Variants in TMEM204 observed in about 807,000 individuals in gnomAD.
TMEM204 encodes the protein transmembrane protein 204.
Under a neutral mutation model 19.4 loss-of-function variants are expected in TMEM204, and 15 were observed. That is an observed-to-expected ratio of 0.77 (90% CI 0.52 to 1.19). The LOEUF is 1.19. Among genes scored for constraint, TMEM204 ranks in the 50% most tolerant of loss-of-function variants. TMEM204 has a pLI of 0.00. For synonymous variants in TMEM204, 161 were observed against 146.0 expected, an observed-to-expected ratio of 1.10 and a Z score of -0.74; for missense variants, 287 against 321.2, an observed-to-expected ratio of 0.89 and a Z score of 0.81.
upstream of TMEM204, among the ~76,000 whole-genome samples, chr16:1,529,847 C>T (rs534001672): frequency 2.0e-5 from 3 of 152,322 alleles, no homozygotes; most frequent in Admixed American, 2.0e-4. Flanking sequence ...CAGAACGCTG[C>T]TGGGCCTCAT....
intron 2 of TMEM204, among the ~76,000 whole-genome samples, chr16:1,550,331 C>T (rs753385617): frequency 3.3e-5 from 5 of 152,208 alleles, no homozygotes; most frequent in Non-Finnish European, 5.9e-5. Context: ...CACAGCCAAC[C>T]ATGCACAGGG....
upstream of TMEM204, chr16:1,531,860 G>T (rs2030533040): frequency 6.6e-6 from 1 of 152,272 alleles, no homozygotes; most frequent in East Asian, 1.9e-4. The surrounding 1 kb of genome is among the most constrained non-coding windows in gnomAD (Gnocchi z 4.7). Flanking sequence ...TCAACCTGAG[G>T]AAAGGACCAG....
Position 1,534,565 on chromosome 16 carries a change from A to G in TMEM204, c.280+10A>G, listed in dbSNP as rs375107209. 1.3e-5 allele frequency: 21 copies of G among 1,600,486 alleles called. No individual in the cohort carries two copies. The East Asian group carries it at 1.6e-4, about 12-fold the overall frequency. The stretch of plus-strand genomic sequence containing the variant: ...CGAGGCACCGTCAAACGTAAGTCCA[A>G]TTGTTTTCCTGATGCCTTCAGCGTG... On this transcript the variant is annotated intron_variant, in intron 1 of 2. Transcript: ENST00000566264.
At chr16:1,548,047 T>C (rs1426094246) in intron 2 of TMEM204, among the ~76,000 whole-genome samples, 2 of 152,192 alleles carry the variant, frequency 1.3e-5, no homozygotes, top group African/African-American at 4.8e-5. Flanking sequence ...CTTCGTCTCT[T>C]CTTTCCCTTC....
rs2031625190 is a variant in TMEM204, at chr16:1,541,441, CT to C, written c.281-479del. ...CATGAGCCGCTTGGGGGTCGGGCAG[CT>C]GAGCACGCAGGACAGCACGCCTGAG... On this transcript the variant is annotated intron_variant, in intron 1 of 2. Coordinates refer to ENST00000566264, the MANE Select transcript of TMEM204 (RefSeq NM_024600.6). The C allele has an allele frequency of 3.0e-6, 3 of 985,322 alleles. No homozygotes were observed. In the African/African-American group the frequency reaches 5.2e-5, roughly 17 times the overall value. The allele number at this position is 985,322 out of a possible 1,614,324, so 61.0% of individuals were successfully genotyped here.
intron 1 of TMEM204, among the ~76,000 whole-genome samples, chr16:1,539,791 C>T (rs1472581527): frequency 1.3e-5 from 2 of 152,210 alleles, no homozygotes; most frequent in East Asian, 1.9e-4. Flanking sequence ...CAGCGTGCTC[C>T]GCTCTCCCCC....
intron 2 of TMEM204, among the ~76,000 whole-genome samples, chr16:1,543,673 G>C (rs1238530380): frequency 6.6e-6 from 1 of 152,198 alleles, no homozygotes; most frequent in Non-Finnish European, 1.5e-5. Flanking sequence ...AGGGATGTGG[G>C]ACCTAGGACT....
chr16:1,538,007 G>T (rs1471997864), intron 1 of TMEM204, among the ~76,000 whole-genome samples: 1 of 152,230 alleles, frequency 6.6e-6, no homozygotes, highest in Non-Finnish European at 1.5e-5. Context: ...AAAGTCAGCT[G>T]CTACCACGCA....
rs764604769 is a variant in TMEM204 at position 1,534,428 on chromosome 16, G to C, written c.153G>C (p.Leu51=). Residue 51 remains leucine, a synonymous_variant, in exon 1 of 3, where the codon CTG becomes CTC. Transcript: ENST00000566264. The part of the protein sequence containing the change: ...RSVGLWRSCW[L]VDRTRGGPSP... ...TGGGGCTGTGGAGGTCCTGCTGGCT[G>C]GTGGACAGGACCCGGGGAGGGCCGA... is the stretch of plus-strand genomic sequence containing the variant. 1 of 1,612,206 alleles carries C rather than the reference G, an allele frequency of 6.2e-7. No individual in the cohort carries two copies. Among genetic ancestry groups the C allele is most frequent in the African/African-American group, 1.3e-5 (1 of 74,936 alleles).
chr16:1,534,245 C>A lies in TMEM204; in HGVS notation c.-31C>A, dbSNP rs376578766. ...CGGCCGCGGACTGGGACTTGGCTTT[C>A]TCCGGATAAGCGGCGGCACCGGCGT... On this transcript the variant is annotated 5_prime_UTR_variant, in exon 1 of 3. Coordinates refer to ENST00000566264, the MANE Select transcript of TMEM204 (RefSeq NM_024600.6). 1 of 1,605,952 alleles carries A rather than the reference C, an allele frequency of 6.2e-7. No individual in the cohort carries two copies.
chr16:1,530,346 T>C (rs1400722786), upstream of TMEM204, among the ~76,000 whole-genome samples: 1 of 152,014 alleles, frequency 6.6e-6, no homozygotes, highest in Admixed American at 6.6e-5. Context: ...TTGGCCAGGA[T>C]GGTCTCGATC....
intron 2 of TMEM204, among the ~76,000 whole-genome samples, chr16:1,548,026 A>AG (rs1296496518): frequency 6.6e-6 from 1 of 152,134 alleles, no homozygotes; most frequent in Non-Finnish European, 1.5e-5. Context: ...CCCAGGCATC[A>AG]GTTTATGTCC....
upstream of TMEM204, among the ~76,000 whole-genome samples, chr16:1,530,133 C>CTTTTTTTTTTTTTTTGTTTTTTTT (rs2030300360): frequency 1.1e-5 from 1 of 88,598 alleles, no homozygotes; most frequent in Non-Finnish European, 2.0e-5. Context: ...CGACGGGAAT[C>CTTTTTTTTTTTTTTTGTTTTTTTT]TTTTTTTTTT....
At chr16:1,530,131 A>ATTTTTTTTTTTTT (rs2030295926), upstream of TMEM204, among the ~76,000 whole-genome samples, 4 of 126,534 alleles carry the variant, frequency 3.2e-5, no homozygotes, top group African/African-American at 1.5e-4. Flanking sequence ...CACGACGGGA[A>ATTTTTTTTTTTTT]TCTTTTTTTT....
chr16:1,544,327 G>A (rs941984859), intron 2 of TMEM204, among the ~76,000 whole-genome samples: 1 of 152,022 alleles, frequency 6.6e-6, no homozygotes, highest in African/African-American at 2.4e-5. Flanking sequence ...GGGACTACAG[G>A]CGCCCGCCAC....
intron 2 of TMEM204, among the ~76,000 whole-genome samples, chr16:1,552,569 A>T (rs999105742): frequency 6.6e-6 from 1 of 151,950 alleles, no homozygotes; most frequent in African/African-American, 2.4e-5. Context: ...GATACCACAC[A>T]ATCGTGAGCA....
chr16:1,534,597 G>C, intron 1 of TMEM204, 42 bp downstream of exon 1: 1 of 1,595,476 alleles, frequency 6.3e-7, no homozygotes. Context: ...CGTGGCCGAG[G>C]CTCGAGGGCA....
intron 2 of TMEM204, among the ~76,000 whole-genome samples, chr16:1,545,330 T>A (rs949810202): frequency 6.6e-6 from 1 of 152,114 alleles, no homozygotes; most frequent in Non-Finnish European, 1.5e-5. Context: ...CCCTGGTGTC[T>A]CGGTGGCTTT....
At chr16:1,550,881 G>A (rs546365480) in intron 2 of TMEM204, among the ~76,000 whole-genome samples, 9 of 152,324 alleles carry the variant, frequency 5.9e-5, no homozygotes, top group East Asian at 5.8e-4. Flanking sequence ...CGTGGTCCCC[G>A]GCGTGCCAGT....
Sources: allele counts gnomAD v4.1 joint callset (sites outside exome capture counted in the v4.1 genomes callset), GRCh38; gene constraint gnomAD v4.1.1; non-coding constraint Gnocchi (gnomAD v3.1); transcripts MANE v1.5; gene names NCBI Gene and HGNC (gene_info 2026-07-23, HGNC 2026-07-21).